The following DOCK3 variants were observed in gnomAD, a reference collection of about 807,000 sequenced individuals.
DOCK3 encodes the protein dedicator of cytokinesis protein 3.
A neutral mutation model predicts 265.6 loss-of-function variants in DOCK3; 60 were observed. The observed-to-expected ratio is 0.23, with a 90% CI of 0.18 to 0.28. DOCK3 has a LOEUF of 0.28. DOCK3 is among the 10% of genes least tolerant of loss of function. DOCK3 has a pLI of 1.00. For missense variants in DOCK3, 1,981 were observed against 2,594.3 expected, an observed-to-expected ratio of 0.76 and a Z score of 5.14; for synonymous variants, 881 against 938.0, an observed-to-expected ratio of 0.94 and a Z score of 1.11.
intron 6 of DOCK3, among the ~76,000 whole-genome samples, chr3:51,069,588 GTGTA>G (rs965901444): frequency 6.6e-6 from 1 of 151,864 alleles, no homozygotes; most frequent in African/African-American, 2.4e-5. Context: ...GTGTGTGTGT[GTGTA>G]TATATATATA....
At chr3:51,225,859 A>C in intron 15 of DOCK3, 86 bp downstream of exon 15, 2 of 1,474,990 alleles carry the variant, frequency 1.4e-6, no homozygotes, top group South Asian at 2.9e-5. Context: ...CATTCTCTTC[A>C]AGCAGGATTA....
chr3:51,087,277 A>G (rs893622295), intron 7 of DOCK3, among the ~76,000 whole-genome samples: 1 of 152,214 alleles, frequency 6.6e-6, no homozygotes, highest in East Asian at 1.9e-4. Flanking sequence ...TGTCAAAAAG[A>G]TTATAAACCA....
chr3:50,925,657 G>A (rs1354397534), intron 4 of DOCK3, among the ~76,000 whole-genome samples: 1 of 151,986 alleles, frequency 6.6e-6, no homozygotes, highest in African/African-American at 2.4e-5. Flanking sequence ...AGAAGGTTGG[G>A]GTTTTATTAG....
At chr3:51,230,276 C>T (rs1226015938) in intron 19 of DOCK3, among the ~76,000 whole-genome samples, 1 of 152,142 alleles carries the variant, frequency 6.6e-6, no homozygotes, top group South Asian at 2.1e-4. Flanking sequence ...CCCTGTCCCT[C>T]CCCACTCTAG....
intron 9 of DOCK3, among the ~76,000 whole-genome samples, chr3:51,105,408 G>C (rs1460205109): frequency 6.6e-6 from 1 of 152,098 alleles, no homozygotes; most frequent in Admixed American, 6.6e-5. Flanking sequence ...CTGCTCCTAG[G>C]TGTATACCCA....
At chr3:51,044,982 G>A (rs1327752947) in intron 5 of DOCK3, among the ~76,000 whole-genome samples, 2 of 152,080 alleles carry the variant, frequency 1.3e-5, no homozygotes, top group Non-Finnish European at 2.9e-5. Flanking sequence ...TATTAGTAAT[G>A]AGACTGGTTT....
chr3:51,217,176 G>GC (rs1489000630), intron 14 of DOCK3, among the ~76,000 whole-genome samples: 1 of 151,466 alleles, frequency 6.6e-6, no homozygotes, highest in African/African-American at 2.4e-5. Flanking sequence ...GGTCAGGATG[G>GC]CCCAGATAGG....
At chr3:50,803,027 CTTTT>C (rs148585810) in intron 2 of DOCK3, among the ~76,000 whole-genome samples, 1 of 147,126 alleles carries the variant, frequency 6.8e-6, no homozygotes, top group African/African-American at 2.5e-5. Flanking sequence ...TACAGAAATT[CTTTT>C]TTTTTTAAGA....
chr3:51,330,294 T>G, intron 33 of DOCK3, 71 bp downstream of exon 33: 1 of 1,459,482 alleles, frequency 6.9e-7, no homozygotes, highest in Non-Finnish European at 9.4e-7. Flanking sequence ...AAGTAGAGGT[T>G]GCAACTGCAC....
intron 9 of DOCK3, among the ~76,000 whole-genome samples, chr3:51,116,288 A>T (rs1432843516): frequency 1.3e-5 from 2 of 151,858 alleles, no homozygotes; most frequent in Non-Finnish European, 2.9e-5. Flanking sequence ...CGTCTCTACT[A>T]AAAATACAAA....
At chr3:50,915,970 G>T (rs2107972132) in intron 4 of DOCK3, among the ~76,000 whole-genome samples, 1 of 152,000 alleles carries the variant, frequency 6.6e-6, no homozygotes, top group African/African-American at 2.4e-5. Context: ...GATTTGGGAT[G>T]GTTCTGTGAT....
At chr3:51,164,607 G>A (rs2086292970) in intron 12 of DOCK3, among the ~76,000 whole-genome samples, 1 of 126,328 alleles carries the variant, frequency 7.9e-6, no homozygotes, top group Non-Finnish European at 1.6e-5. Context: ...CTAGGTGACA[G>A]AGCGAGACTC....
chr3:50,840,278 T>G (rs1421543239), intron 2 of DOCK3, among the ~76,000 whole-genome samples: 2 of 152,230 alleles, frequency 1.3e-5, no homozygotes, highest in African/African-American at 2.4e-5. Context: ...GGTGTTGTAG[T>G]TAAAAAGTCA....
chr3:51,257,534 TGTGGGTTTTAGG>T (rs2079614309), intron 22 of DOCK3, among the ~76,000 whole-genome samples: 1 of 152,190 alleles, frequency 6.6e-6, no homozygotes, highest in South Asian at 2.1e-4. Context: ...GGGGTGTCAT[TGTGGGTTTTAGG>T]GTGGCTCTTC....
At chr3:51,331,700 G>A (rs999621697) in intron 33 of DOCK3, among the ~76,000 whole-genome samples, 4 of 152,206 alleles carry the variant, frequency 2.6e-5, no homozygotes, top group Admixed American at 6.5e-5. Context: ...GTACGCACCT[G>A]TAATCCCAGC....
intron 14 of DOCK3, among the ~76,000 whole-genome samples, chr3:51,224,945 C>T (rs1285298145): frequency 6.6e-6 from 1 of 152,160 alleles, no homozygotes; most frequent in Non-Finnish European, 1.5e-5. Flanking sequence ...TCTTGAACAA[C>T]AGAGTTGGGC....
chr3:50,764,069 G>A (rs1487749549), intron 1 of DOCK3, among the ~76,000 whole-genome samples: 2 of 152,066 alleles, frequency 1.3e-5, no homozygotes, highest in Admixed American at 6.5e-5. Flanking sequence ...ATTTACTTTC[G>A]TTGGTTTTAT....
chr3:50,792,746 G>T (rs1046311418), intron 2 of DOCK3, among the ~76,000 whole-genome samples: 6 of 152,064 alleles, frequency 3.9e-5, no homozygotes, highest in Non-Finnish European at 8.8e-5. Context: ...TTATTGATTT[G>T]CATACGTTAG....
intron 2 of DOCK3, among the ~76,000 whole-genome samples, chr3:50,781,608 T>A (rs1238724090): frequency 6.6e-6 from 1 of 152,110 alleles, no homozygotes; most frequent in Non-Finnish European, 1.5e-5. Context: ...TTTTTTTAAT[T>A]TGAAATATTT....
Sources: allele counts gnomAD v4.1 joint callset (sites outside exome capture counted in the v4.1 genomes callset), GRCh38; gene constraint gnomAD v4.1.1; transcripts MANE v1.5; gene names NCBI Gene and HGNC (gene_info 2026-07-23, HGNC 2026-07-21).